DAPK1: variants seen among roughly 807,000 people sequenced by gnomAD.
The protein encoded by DAPK1 is death-associated protein kinase 1.
DAPK1 carries 56 observed loss-of-function variants against 144.9 expected under a neutral mutation model. The observed-to-expected ratio is 0.39, with a 90% CI of 0.31 to 0.48. The LOEUF (loss-of-function observed/expected upper bound fraction) is 0.48. Among genes scored for constraint, DAPK1 ranks in the 20% least tolerant of loss-of-function variants. The pLI is 0.95. For missense variants in DAPK1, 1,454 were observed against 1,875.4 expected (o/e 0.78, Z 4.15); for synonymous variants, 690 against 749.0 (o/e 0.92, Z 1.29).
intron 24 of DAPK1, among the ~76,000 whole-genome samples, chr9:87,701,599 C>T (rs992986901): frequency 2.0e-5 from 3 of 152,090 alleles, no homozygotes; most frequent in Admixed American, 6.6e-5. Context: ...AAGAAAAGGG[C>T]GAGCGTCCCA....
intron 18 of DAPK1, among the ~76,000 whole-genome samples, chr9:87,666,743 G>A (rs1011270738): frequency 7.9e-5 from 12 of 152,088 alleles, no homozygotes; most frequent in African/African-American, 2.9e-4. Flanking sequence ...CAAAATGCTA[G>A]GATTACAGGC....
At position 87,686,792 on chromosome 9, in the gene DAPK1, T is replaced by A. The variant is rs1824881518; in HGVS notation, c.2413+53T>A. 5.5e-6 allele frequency: 8 copies of A among 1,461,500 alleles called. No individual in the cohort carries two copies. The South Asian group carries it at 9.6e-5, about 17-fold the overall frequency. The allele number at this position is 1,461,500 out of a possible 1,614,324, so 90.5% of individuals were successfully genotyped here. A position where few individuals can be genotyped will look rare whatever the true frequency, so the allele number is the denominator to read the frequency against. On this transcript the variant is annotated intron_variant, in intron 21 of 25. Transcript: ENST00000408954. The surrounding 1 kb of genome is among the most constrained non-coding windows in gnomAD (Gnocchi z 4.2). Reference sequence around the variant, plus strand: ...ACCTCAGGTTTCCCTTCAACAGGGTTGTAAGTCATCCCTAAAGGGAGCTTG... The same window carrying A: ...ACCTCAGGTTTCCCTTCAACAGGGTAGTAAGTCATCCCTAAAGGGAGCTTG...
chr9:87,498,130 C>T, intron 1 of DAPK1, 23 bp downstream of exon 1: 1 of 397,416 alleles, frequency 2.5e-6, no homozygotes, highest in Non-Finnish European at 4.4e-6. Context: ...GCGCGGCTCC[C>T]CGGTCCCCCC....
At chr9:87,521,896 A>G (rs1825310298) in intron 2 of DAPK1, among the ~76,000 whole-genome samples, 1 of 152,218 alleles carries the variant, frequency 6.6e-6, no homozygotes, top group Non-Finnish European at 1.5e-5. Flanking sequence ...GGGTTAGTGG[A>G]TGAAAGGGCT....
At chr9:87,529,685 T>C (rs1825638565) in intron 2 of DAPK1, among the ~76,000 whole-genome samples, 1 of 152,218 alleles carries the variant, frequency 6.6e-6, no homozygotes, top group East Asian at 1.9e-4. Flanking sequence ...GTACGTGGAA[T>C]GCAGTGGACG....
chr9:87,679,151 C>T (rs1418799998), intron 19 of DAPK1, among the ~76,000 whole-genome samples: 2 of 151,464 alleles, frequency 1.3e-5, no homozygotes, highest in African/African-American at 2.4e-5. Context: ...TGGTTTATGG[C>T]GATTCTACAC....
At chr9:87,520,926 G>A (rs1825275998) in intron 2 of DAPK1, among the ~76,000 whole-genome samples, 1 of 152,208 alleles carries the variant, frequency 6.6e-6, no homozygotes. Context: ...TTCAGCCAAT[G>A]TAGGCTCACA....
At chr9:87,687,386 T>C (rs1173630001) in intron 21 of DAPK1, among the ~76,000 whole-genome samples, 1 of 152,204 alleles carries the variant, frequency 6.6e-6, no homozygotes, top group Non-Finnish European at 1.5e-5. Context: ...GAACATGCAG[T>C]ATTTATCTTT....
At position 87,655,487 on chromosome 9, in the gene DAPK1, G is replaced by A. The variant is rs550120901; in HGVS notation, c.1825-2542G>A. ...TAGAGACTCACTCAAGTAACTGATT[G>A]TGAGCGTGGGGTGGCATCCACATTC... is the stretch of plus-strand genomic sequence containing the variant. On this transcript the variant is annotated intron_variant, in intron 17 of 25. Transcript: ENST00000408954. Among the ~76,000 whole-genome samples, 120 of 152,282 alleles carry A rather than the reference G, an allele frequency of 7.9e-4. No homozygotes were observed. In the Middle Eastern group the frequency reaches 0.014, roughly 17 times the overall value.
chr9:87,579,874 T>C (rs1021656283), intron 2 of DAPK1, among the ~76,000 whole-genome samples: 5 of 152,172 alleles, frequency 3.3e-5, no homozygotes, highest in African/African-American at 1.2e-4. Flanking sequence ...TATTAAGTAG[T>C]ATTATCCAAC....
chr9:87,649,685 G>T (rs892576073), intron 15 of DAPK1, among the ~76,000 whole-genome samples: 1 of 152,180 alleles, frequency 6.6e-6, no homozygotes, highest in Non-Finnish European at 1.5e-5. Flanking sequence ...ACACACAAGT[G>T]TTGAGGAAGG....
chr9:87,707,286 C>T lies in DAPK1; in HGVS notation c.4215C>T (p.Gly1405=). Residue 1405 remains glycine (G), a synonymous_variant, in exon 26 of 26, where the codon GGC becomes GGT. Transcript: ENST00000408954. The surrounding 1 kb of genome is among the most constrained non-coding windows in gnomAD (Gnocchi z 4.0). ...CTGTGTTCAAAATCAACCTGGATGG[C>T]AATGGCCAGGAGGCCTATGCCTCGA... The part of the protein sequence containing the change: ...ASSVFKINLD[G]NGQEAYASSC... The T allele has an allele frequency of 2.5e-6, 4 of 1,613,710 alleles. No homozygotes were observed. Among genetic ancestry groups the T allele is most frequent in the Non-Finnish European group, 3.4e-6 (4 of 1,179,698 alleles).
chr9:87,631,231 C>A (rs1829677788), intron 3 of DAPK1, among the ~76,000 whole-genome samples: 1 of 152,226 alleles, frequency 6.6e-6, no homozygotes, highest in East Asian at 1.9e-4. Context: ...AGATGATAAC[C>A]AAAGCGGATC....
intron 2 of DAPK1, among the ~76,000 whole-genome samples, chr9:87,584,079 C>T (rs1435764423): frequency 6.6e-6 from 1 of 152,116 alleles, no homozygotes; most frequent in Non-Finnish European, 1.5e-5. Context: ...GATAAAATTG[C>T]ATGCATTTAC....
chr9:87,502,435 C>T (rs1468543242), intron 2 of DAPK1, among the ~76,000 whole-genome samples: 1 of 152,082 alleles, frequency 6.6e-6, no homozygotes, highest in East Asian at 1.9e-4. Flanking sequence ...TGCTATTATA[C>T]CGAGGTGTTT....
At chr9:87,517,467 C>T (rs1234070570) in intron 2 of DAPK1, among the ~76,000 whole-genome samples, 1 of 152,156 alleles carries the variant, frequency 6.6e-6, no homozygotes, top group Non-Finnish European at 1.5e-5. Flanking sequence ...GTGTGCCCAT[C>T]TTTCCTAGAT....
intron 2 of DAPK1, among the ~76,000 whole-genome samples, chr9:87,556,049 C>T (rs532475377): frequency 7.9e-5 from 12 of 152,276 alleles, no homozygotes; most frequent in African/African-American, 2.9e-4. Flanking sequence ...GTAAATGCCA[C>T]CATGGTAATT....
intron 3 of DAPK1, among the ~76,000 whole-genome samples, chr9:87,635,736 A>T (rs549717372): frequency 3.5e-4 from 54 of 152,300 alleles, no homozygotes; most frequent in African/African-American, 1.3e-3. Context: ...AAGAGGTCTT[A>T]TGACTCCTCT....
intron 20 of DAPK1, chr9:87,681,891 T>C (rs1824643484): frequency 1.9e-6 from 1 of 533,854 alleles, no homozygotes; most frequent in Non-Finnish European, 3.4e-6. Context: ...TCCTCATAAA[T>C]GTGCAAACTG....
Sources: gnomAD v4.1 joint callset for allele counts (sites outside exome capture counted in the v4.1 genomes callset) on GRCh38, gnomAD v4.1.1 for gene constraint, Gnocchi (gnomAD v3.1) non-coding constraint, MANE v1.5 for transcripts, NCBI Gene and HGNC (gene_info 2026-07-23, HGNC 2026-07-21) for gene names.